CNGA1: variants seen among roughly 807,000 people sequenced by gnomAD.
CNGA1 encodes cyclic nucleotide gated channel subunit alpha 1, also known as cyclic nucleotide-gated channel alpha-1.
CNGA1 carries 53 observed loss-of-function variants against 69.7 expected under a neutral mutation model. That is an observed-to-expected ratio of 0.76 (90% CI 0.61 to 0.96). The LOEUF (loss-of-function observed/expected upper bound fraction) is 0.96. Ranked by LOEUF, CNGA1 falls within the 40% of genes least tolerant of loss-of-function variation. The probability of loss-of-function intolerance (pLI) is 0.00; values close to 1 mark genes in which losing one functional copy is unlikely to be tolerated. For missense variants in CNGA1, 739 were observed against 811.2 expected (o/e 0.91, Z 1.08); for synonymous variants, 249 against 283.5 (o/e 0.88, Z 1.22).
Position 47,966,080 on chromosome 4 carries a change from G to A in CNGA1, c.-14-13377C>T, listed in dbSNP as rs1049854472. Among the ~76,000 whole-genome samples, 4 of 152,164 alleles carry A rather than the reference G, an allele frequency of 2.6e-5. No individual in the cohort carries two copies. The East Asian group carries it at 5.8e-4, about 22-fold the overall frequency. On this transcript the variant is annotated intron_variant, in intron 3 of 10. Transcript: ENST00000514170. ...ACTCACAAAAATTCCTCACTTAAGC[G>A]AGGATATAACAAAGTACACAAAAAT...
At chr4:48,003,138 G>A (rs1217658947) in intron 2 of CNGA1, among the ~76,000 whole-genome samples, 6 of 152,150 alleles carry the variant, frequency 3.9e-5, no homozygotes, top group African/African-American at 1.4e-4. Flanking sequence ...GGACACATGA[G>A]ACATCAATCA....
chr4:47,983,539 G>A (rs990127887), intron 2 of CNGA1, among the ~76,000 whole-genome samples: 3 of 151,472 alleles, frequency 2.0e-5, no homozygotes, highest in African/African-American at 7.3e-5. Context: ...GCAGTGAGCC[G>A]AGATCACACC....
intron 6 of CNGA1, among the ~76,000 whole-genome samples, chr4:47,947,635 G>T (rs540728751): frequency 6.6e-6 from 1 of 151,860 alleles, no homozygotes; most frequent in Non-Finnish European, 1.5e-5. Flanking sequence ...GCACCACTGC[G>T]CTCCAGCACA....
chr4:47,990,583 T>A (rs1742214455), intron 2 of CNGA1, among the ~76,000 whole-genome samples: 1 of 152,134 alleles, frequency 6.6e-6, no homozygotes, highest in South Asian at 2.1e-4. Context: ...TTATTGCCCG[T>A]TGAAGCATGT....
At chr4:47,960,769 CCAA>C (rs879650607) in intron 3 of CNGA1, among the ~76,000 whole-genome samples, 2 of 152,116 alleles carry the variant, frequency 1.3e-5, no homozygotes, top group Non-Finnish European at 2.9e-5. Flanking sequence ...CCTGATACTT[CCAA>C]CAACATGGAT....
intron 1 of CNGA1, among the ~76,000 whole-genome samples, chr4:48,015,700 T>G (rs1185770599): frequency 6.6e-6 from 1 of 151,976 alleles, no homozygotes; most frequent in Non-Finnish European, 1.5e-5. Flanking sequence ...CCTCCTGGGC[T>G]CAAGTCATCC....
At chr4:48,005,983 A>G (rs1714900499) in intron 2 of CNGA1, among the ~76,000 whole-genome samples, 1 of 152,260 alleles carries the variant, frequency 6.6e-6, no homozygotes, top group South Asian at 2.1e-4. Context: ...ATAGGAGTAT[A>G]CTTACTCAAT....
At chr4:48,003,134 AT>A (rs1442373467) in intron 2 of CNGA1, among the ~76,000 whole-genome samples, 1 of 152,198 alleles carries the variant, frequency 6.6e-6, no homozygotes, top group African/African-American at 2.4e-5. Flanking sequence ...CTAGGGACAC[AT>A]GAGACATCAA....
intron 10 of CNGA1, among the ~76,000 whole-genome samples, chr4:47,940,481 T>C (rs1739007682): frequency 6.6e-6 from 1 of 152,210 alleles, no homozygotes; most frequent in Non-Finnish European, 1.5e-5. Flanking sequence ...ATATTTCTGC[T>C]CTCTCTATTC....
At chr4:48,007,068 G>A (rs937857032) in intron 2 of CNGA1, among the ~76,000 whole-genome samples, 3 of 151,166 alleles carry the variant, frequency 2.0e-5, no homozygotes, top group Non-Finnish European at 2.9e-5. Flanking sequence ...AAAAAAAAGT[G>A]AAAACCTTAA....
intron 2 of CNGA1, among the ~76,000 whole-genome samples, chr4:47,982,939 G>T (rs1015960211): frequency 2.6e-5 from 4 of 151,990 alleles, no homozygotes; most frequent in African/African-American, 9.7e-5. Context: ...CAAGTAGCTG[G>T]GATTACAGAT....
At position 47,937,302 on chromosome 4, in the gene CNGA1, A is replaced by C. The variant is rs1275559044; in HGVS notation, c.1180T>G (p.Ser394Ala). ...GCTGCATTCATGTTGGAAATCATAG[A>C]ACCTATGTTACCAACGATGGTAGCA... The part of the protein sequence containing the change: ...IFATIVGNIG[S>A]MISNMNAARA... The change falls in exon 11 of 11, where the codon TCT becomes GCT. Residue 394 changes from serine to alanine, a missense_variant. Physicochemically the swap from Ser to Ala is moderately conservative, Grantham distance 99. Transcript: ENST00000514170. 6.2e-7 allele frequency: 1 copy of C among 1,614,044 alleles called. No homozygotes were observed. Among genetic ancestry groups the C allele is most frequent in the Admixed American group, 1.7e-5 (1 of 60,022 alleles).
intron 3 of CNGA1, among the ~76,000 whole-genome samples, chr4:47,954,811 G>C (rs905200135): frequency 3.9e-5 from 6 of 152,226 alleles, no homozygotes; most frequent in African/African-American, 1.2e-4. Flanking sequence ...TTTGAAGGGG[G>C]GGTAAAGCTG....
intron 3 of CNGA1, among the ~76,000 whole-genome samples, chr4:47,959,569 C>A (rs1425845231): frequency 6.6e-6 from 1 of 152,004 alleles, no homozygotes; most frequent in Non-Finnish European, 1.5e-5. Context: ...TTGGGGTAGG[C>A]AAAGTTTCTT....
At chr4:47,991,973 C>T (rs977000473) in intron 2 of CNGA1, among the ~76,000 whole-genome samples, 7 of 152,220 alleles carry the variant, frequency 4.6e-5, no homozygotes, top group African/African-American at 1.7e-4. Flanking sequence ...GATCAGTTGG[C>T]TGCAAGTATT....
At chr4:47,968,517 C>T (rs1239984279) in intron 3 of CNGA1, among the ~76,000 whole-genome samples, 2 of 152,054 alleles carry the variant, frequency 1.3e-5, no homozygotes, top group Non-Finnish European at 2.9e-5. Flanking sequence ...TAATACAGAG[C>T]ATTAGCTACA....
intron 6 of CNGA1, among the ~76,000 whole-genome samples, chr4:47,948,606 C>T (rs115644929): frequency 0.011 from 1,723 of 151,166 alleles, 29 homozygotes; most frequent in Non-Finnish European, 0.016. Context: ...CTTTGGTCCC[C>T]TCATGCCCAA....
At chr4:47,968,983 T>C (rs7659539) in intron 3 of CNGA1, among the ~76,000 whole-genome samples, 80,561 of 151,546 alleles carry the variant, frequency 0.53, 23,105 homozygotes, top group Non-Finnish European at 0.64. Context: ...AAAATAGAGG[T>C]TCATTCTTCT....
chr4:47,940,388 T>C (rs2110136380), intron 10 of CNGA1, among the ~76,000 whole-genome samples: 1 of 152,340 alleles, frequency 6.6e-6, no homozygotes, highest in South Asian at 2.1e-4. Flanking sequence ...AAATTTTGAA[T>C]ATGGCTCTGC....
Sources: gnomAD v4.1 joint callset for allele counts (sites outside exome capture counted in the v4.1 genomes callset) on GRCh38, gnomAD v4.1.1 for gene constraint, MANE v1.5 for transcripts, NCBI Gene and HGNC (gene_info 2026-07-23, HGNC 2026-07-21) for gene names.